ZBBX: variants seen among roughly 807,000 people sequenced by gnomAD.
The protein encoded by ZBBX is zinc finger B-box domain-containing protein 1.
A neutral mutation model predicts 108.5 loss-of-function variants in ZBBX; 101 were observed. That is an observed-to-expected ratio of 0.93 (90% CI 0.79 to 1.10). The LOEUF (loss-of-function observed/expected upper bound fraction) is 1.10, where lower values mean the gene tolerates loss of function less well. Ranked by LOEUF, ZBBX falls within the 50% of genes least tolerant of loss-of-function variation. The probability of loss-of-function intolerance (pLI) is 0.00; values close to 1 mark genes in which losing one functional copy is unlikely to be tolerated. For synonymous variants in ZBBX, 356 were observed against 323.4 expected, an observed-to-expected ratio of 1.10 and a Z score of -1.08; for missense variants, 1,009 against 941.4, an observed-to-expected ratio of 1.07 and a Z score of -0.94.
At chr3:167,358,691 C>A (rs1196062153) in intron 8 of ZBBX, among the ~76,000 whole-genome samples, 3 of 151,898 alleles carry the variant, frequency 2.0e-5, no homozygotes, top group African/African-American at 7.3e-5. Flanking sequence ...AATCCCAGCA[C>A]TTTGGGAGGC....
At chr3:167,402,563 C>T (rs963187199) in intron 1 of ZBBX, among the ~76,000 whole-genome samples, 1 of 151,920 alleles carries the variant, frequency 6.6e-6, no homozygotes, top group African/African-American at 2.4e-5. Context: ...ATTACGAGAC[C>T]TACGTAGAGG....
At chr3:167,341,994 T>C (rs1266036227) in intron 9 of ZBBX, among the ~76,000 whole-genome samples, 1 of 151,584 alleles carries the variant, frequency 6.6e-6, no homozygotes, top group Non-Finnish European at 1.5e-5. Flanking sequence ...TTTGTCAGAT[T>C]CCATGAAAAA....
chr3:167,242,448 G>T, intron 21 of ZBBX, 57 bp downstream of exon 21: 1 of 1,426,272 alleles, frequency 7.0e-7, no homozygotes. Context: ...ACTAGTTGGA[G>T]CTTGTCAAAA....
At chr3:167,403,635 C>T (rs370160528) in intron 1 of ZBBX, among the ~76,000 whole-genome samples, 2 of 151,792 alleles carry the variant, frequency 1.3e-5, no homozygotes, top group African/African-American at 4.8e-5. Flanking sequence ...TGCTTAAGAG[C>T]ATTAAAAAAC....
At chr3:167,253,430 T>C (rs563496168) in intron 20 of ZBBX, among the ~76,000 whole-genome samples, 70 of 151,886 alleles carry the variant, frequency 4.6e-4, no homozygotes, top group South Asian at 3.1e-3. Context: ...GACAAGAAAA[T>C]TGCAAATCTG....
At chr3:167,309,957 T>C (rs888555297) in intron 16 of ZBBX, among the ~76,000 whole-genome samples, 1 of 152,222 alleles carries the variant, frequency 6.6e-6, no homozygotes, top group Non-Finnish European at 1.5e-5. Flanking sequence ...ATTTCCAGTT[T>C]CATACCATTT....
intron 20 of ZBBX, among the ~76,000 whole-genome samples, chr3:167,263,126 C>A (rs1007823618): frequency 1.3e-5 from 2 of 148,794 alleles, no homozygotes; most frequent in Non-Finnish European, 3.0e-5. Flanking sequence ...CAACCTTCAC[C>A]TCCTGGCTCA....
chr3:167,323,243 G>GGC (rs1736772706), intron 11 of ZBBX, among the ~76,000 whole-genome samples: 3 of 144,606 alleles, frequency 2.1e-5, no homozygotes, highest in Non-Finnish European at 3.0e-5. Flanking sequence ...AAAAGAGGGG[G>GGC]GGGGGGGAAA....
chr3:167,213,151 T>G, the ZBBX span, among the ~76,000 whole-genome samples: 1 of 152,098 alleles, frequency 6.6e-6, no homozygotes, highest in Non-Finnish European at 1.5e-5. Flanking sequence ...ATCCTACAAA[T>G]GATCACACAA....
intron 1 of ZBBX, among the ~76,000 whole-genome samples, chr3:167,385,644 A>T (rs1194126025): frequency 6.6e-6 from 1 of 151,924 alleles, no homozygotes; most frequent in Non-Finnish European, 1.5e-5. Flanking sequence ...TTATATACTT[A>T]TCTATAAGCC....
the ZBBX span, among the ~76,000 whole-genome samples, chr3:167,186,478 T>C: frequency 6.6e-6 from 1 of 151,890 alleles, no homozygotes; most frequent in Non-Finnish European, 1.5e-5. Context: ...AAACAAGGAG[T>C]AATAATTTTA....
Position 167,288,887 on chromosome 3 carries a change from C to T in ZBBX, c.1976G>A (p.Ser659Asn), listed in dbSNP as rs1284715788. Reference sequence around the variant, plus strand: ...GTTACCCATCTTTTGCTGTTTTCTACTTGATGATGGACTCTGAGCACCCTG... The same window carrying T: ...GTTACCCATCTTTTGCTGTTTTCTATTTGATGATGGACTCTGAGCACCCTG... ...VLQGAQSPSS[S>N]RKQQKMGQKS... Residue 659 changes from serine to asparagine, a missense_variant, in exon 19 of 22, where the codon AGT (serine) becomes AAT (asparagine). By Grantham distance (46) the Ser-to-Asn change is conservative (BLOSUM62 1). Transcript: ENST00000675490. The T allele has an allele frequency of 2.3e-5, 36 of 1,534,488 alleles. No individual in the cohort carries two copies. The highest frequency in any genetic ancestry group is 3.1e-5 in the Non-Finnish European group (35 of 1,136,414).
At chr3:167,250,065 T>C (rs1462737805) in intron 20 of ZBBX, among the ~76,000 whole-genome samples, 2 of 152,164 alleles carry the variant, frequency 1.3e-5, no homozygotes, top group Admixed American at 1.3e-4. Context: ...CACCTCTATC[T>C]CCTGATTCAG....
chr3:167,265,399 G>A (rs1725287511), intron 20 of ZBBX, among the ~76,000 whole-genome samples: 1 of 152,094 alleles, frequency 6.6e-6, no homozygotes, highest in Admixed American at 6.5e-5. Context: ...CCTGAAATGG[G>A]GGGCTCACAA....
intron 20 of ZBBX, among the ~76,000 whole-genome samples, chr3:167,282,029 T>C (rs1576882190): frequency 6.6e-6 from 1 of 152,230 alleles, no homozygotes; most frequent in East Asian, 1.9e-4. Flanking sequence ...GGGTCCATCT[T>C]TGGTGTGGCT....
upstream of ZBBX, among the ~76,000 whole-genome samples, chr3:167,383,633 A>G (rs1349771865): frequency 6.6e-6 from 1 of 152,056 alleles, no homozygotes; most frequent in Non-Finnish European, 1.5e-5. Context: ...GGCAATTATT[A>G]CTGATGCTTC....
chr3:167,278,418 A>G (rs978779421), intron 20 of ZBBX, among the ~76,000 whole-genome samples: 5 of 140,032 alleles, frequency 3.6e-5, no homozygotes, highest in Non-Finnish European at 6.2e-5. Flanking sequence ...TAAAGGGGAT[A>G]TCACCACCGA....
intron 6 of ZBBX, among the ~76,000 whole-genome samples, chr3:167,361,751 T>C (rs1025689393): frequency 1.3e-5 from 2 of 152,228 alleles, no homozygotes; most frequent in Non-Finnish European, 2.9e-5. Context: ...GCTAATGTTA[T>C]ACAAGTTACA....
intron 10 of ZBBX, 141 bp downstream of exon 10, chr3:167,333,686 G>A (rs187251018): frequency 1.9e-5 from 13 of 673,184 alleles, no homozygotes; most frequent in Non-Finnish European, 2.5e-5. Context: ...AGATGTATTT[G>A]GTTAATGAAG....
Sources: gnomAD v4.1 joint callset for allele counts (sites outside exome capture counted in the v4.1 genomes callset) on GRCh38, gnomAD v4.1.1 for gene constraint, MANE v1.5 for transcripts, NCBI Gene and HGNC (gene_info 2026-07-23, HGNC 2026-07-21) for gene names.